The following AGMO variants were observed in gnomAD, a reference collection of about 807,000 sequenced individuals.
AGMO encodes glyceryl-ether monooxygenase.
A neutral mutation model predicts 60.2 loss-of-function variants in AGMO; 75 were observed. The ratio of observed to expected loss-of-function variants is 1.25; its 90% CI spans 1.03 to 1.51. The LOEUF (loss-of-function observed/expected upper bound fraction) is 1.51. AGMO is among the 40% of genes most tolerant of loss of function. AGMO has a pLI of 0.00. For missense variants in AGMO, 763 were observed against 525.5 expected (o/e 1.45, Z -4.42); for synonymous variants, 261 against 177.1 (o/e 1.47, Z -3.76).
chr7:15,219,340 T>C (rs1380819774), intron 12 of AGMO, among the ~76,000 whole-genome samples: 4 of 152,128 alleles, frequency 2.6e-5, no homozygotes, highest in Non-Finnish European at 5.9e-5. Flanking sequence ...ACAGTAGTTG[T>C]TCAATTAAGT....
the AGMO span, among the ~76,000 whole-genome samples, chr7:15,153,182 TTG>T: frequency 1.9e-4 from 9 of 46,610 alleles, no homozygotes; most frequent in East Asian, 0.023. Context: ...TTTGATAGGA[TTG>T]TTTTTTTTTT....
chr7:15,271,691 T>C (rs1783616021), intron 12 of AGMO, among the ~76,000 whole-genome samples: 1 of 152,192 alleles, frequency 6.6e-6, no homozygotes, highest in African/African-American at 2.4e-5. Context: ...TAGCTAAGAC[T>C]TCCAGTACTA....
At chr7:15,324,630 G>A (rs908983526) in intron 12 of AGMO, among the ~76,000 whole-genome samples, 1 of 152,038 alleles carries the variant, frequency 6.6e-6, no homozygotes. Context: ...TTTGACACCA[G>A]GAACATGTTT....
chr7:15,128,554 T>A, the AGMO span, among the ~76,000 whole-genome samples: 52 of 152,226 alleles, frequency 3.4e-4, no homozygotes, highest in Non-Finnish European at 6.9e-4. Flanking sequence ...AAGACAAGAT[T>A]ATTTCTTATT....
At chr7:15,211,020 A>G (rs1321278384) in intron 12 of AGMO, among the ~76,000 whole-genome samples, 1 of 152,060 alleles carries the variant, frequency 6.6e-6, no homozygotes, top group Non-Finnish European at 1.5e-5. Flanking sequence ...TACACATTGC[A>G]ATTACCATAA....
intron 3 of AGMO, among the ~76,000 whole-genome samples, chr7:15,521,691 C>T (rs984224825): frequency 2.6e-5 from 4 of 152,096 alleles, no homozygotes; most frequent in South Asian, 2.1e-4. Context: ...ATTGATACAA[C>T]GTATCCCAAA....
intron 12 of AGMO, among the ~76,000 whole-genome samples, chr7:15,238,117 G>C (rs1357427247): frequency 6.6e-6 from 1 of 151,910 alleles, no homozygotes; most frequent in Non-Finnish European, 1.5e-5. Flanking sequence ...TTCCATTGGA[G>C]CTGAGGTCAA....
chr7:15,426,590 T>C (rs1216887641), intron 4 of AGMO, among the ~76,000 whole-genome samples: 1 of 151,674 alleles, frequency 6.6e-6, no homozygotes, highest in Admixed American at 6.6e-5. Context: ...CTATACAAAA[T>C]ACAAAAAAAT....
intron 12 of AGMO, among the ~76,000 whole-genome samples, chr7:15,244,299 TAA>T (rs1782679267): frequency 6.6e-6 from 1 of 152,212 alleles, no homozygotes; most frequent in Non-Finnish European, 1.5e-5. Flanking sequence ...TTTGAATATA[TAA>T]AAGACTACCT....
At chr7:15,159,098 A>G in the AGMO span, among the ~76,000 whole-genome samples, 1 of 152,120 alleles carries the variant, frequency 6.6e-6, no homozygotes, top group African/African-American at 2.4e-5. Context: ...TCTTGATTAT[A>G]TTCTCTTTGT....
At chr7:15,258,762 A>T (rs1049129801) in intron 12 of AGMO, among the ~76,000 whole-genome samples, 1 of 151,830 alleles carries the variant, frequency 6.6e-6, no homozygotes, top group African/African-American at 2.4e-5. Context: ...CTTTCTAGAC[A>T]CTCGCCAGTA....
At chr7:15,189,367 C>T in the AGMO span, among the ~76,000 whole-genome samples, 1 of 151,864 alleles carries the variant, frequency 6.6e-6, no homozygotes, top group East Asian at 1.9e-4. Flanking sequence ...AAAATAGACT[C>T]ATTTTATAAA....
intron 12 of AGMO, among the ~76,000 whole-genome samples, chr7:15,222,022 G>A (rs1781939247): frequency 6.6e-6 from 1 of 152,044 alleles, no homozygotes; most frequent in African/African-American, 2.4e-5. Context: ...TATTCAGTTT[G>A]GAGAGTAAAA....
chr7:15,385,424 A>G, intron 10 of AGMO, 22 bp downstream of exon 10: 1 of 1,395,954 alleles, frequency 7.2e-7, no homozygotes, highest in Non-Finnish European at 1.0e-6. Context: ...TTCTCACACT[A>G]CTTAAAATGG....
chr7:15,183,751 C>G, the AGMO span, among the ~76,000 whole-genome samples: 1 of 152,140 alleles, frequency 6.6e-6, no homozygotes, highest in Non-Finnish European at 1.5e-5. Context: ...GCATCTATCA[C>G]CTTTTAAGGT....
chr7:15,514,514 A>G (rs1292167459), intron 3 of AGMO, among the ~76,000 whole-genome samples: 2 of 152,148 alleles, frequency 1.3e-5, no homozygotes, highest in Non-Finnish European at 2.9e-5. Flanking sequence ...CAGAGAAATT[A>G]AGGAATTTGT....
At position 15,433,280 on chromosome 7, in the gene AGMO, A is replaced by T. The variant is rs1441539031; in HGVS notation, c.410-2172T>A. 5.9e-5 allele frequency among the ~76,000 whole-genome samples: 9 copies of T among 152,202 alleles called. No homozygotes were observed. The South Asian group carries it at 1.9e-3, about 32-fold the overall frequency. Reference sequence around the variant, plus strand: ...TGAAACAAAGAATCCACAAAGGTGGAGGTTAAAGATCTGTCTTTCTAGTTG... The same window carrying T: ...TGAAACAAAGAATCCACAAAGGTGGTGGTTAAAGATCTGTCTTTCTAGTTG... On this transcript the variant is annotated intron_variant, in intron 3 of 12. Transcript: ENST00000342526.
At chr7:15,364,905 A>T (rs990093129) in intron 12 of AGMO, among the ~76,000 whole-genome samples, 1 of 152,016 alleles carries the variant, frequency 6.6e-6, no homozygotes, top group Non-Finnish European at 1.5e-5. Flanking sequence ...AACATAATAC[A>T]CTCTCTATTA....
chr7:15,508,701 C>A (rs560911382), intron 3 of AGMO, among the ~76,000 whole-genome samples: 1 of 151,974 alleles, frequency 6.6e-6, no homozygotes, highest in African/African-American at 2.4e-5. Flanking sequence ...CACTTCTCAT[C>A]CCTCACCTGT....
Sources: gnomAD v4.1 joint callset for allele counts (sites outside exome capture counted in the v4.1 genomes callset) on GRCh38, gnomAD v4.1.1 for gene constraint, MANE v1.5 for transcripts, NCBI Gene and HGNC (gene_info 2026-07-23, HGNC 2026-07-21) for gene names.